The following KIF1B variants were observed in gnomAD, a reference collection of about 807,000 sequenced individuals.
KIF1B encodes kinesin family member 1B, also known as kinesin-like protein KIF1B.
A neutral mutation model predicts 241.9 loss-of-function variants in KIF1B; 76 were observed. That is an observed-to-expected ratio of 0.31 (90% confidence interval 0.26 to 0.38). KIF1B has a LOEUF of 0.38. KIF1B is among the 10% of genes least tolerant of loss of function. The pLI, the probability that KIF1B is intolerant of heterozygous loss-of-function variation, is 1.00. For synonymous variants in KIF1B, 750 were observed against 796.7 expected, an observed-to-expected ratio of 0.94 and a Z score of 0.99; for missense variants, 1,622 against 2,271.4, an observed-to-expected ratio of 0.71 and a Z score of 5.81.
At chr1:10,238,018 G>T (rs1647080728) in intron 2 of KIF1B, among the ~76,000 whole-genome samples, 1 of 150,890 alleles carries the variant, frequency 6.6e-6, no homozygotes, top group Non-Finnish European at 1.5e-5. Flanking sequence ...CAGGAAAAAA[G>T]AAAGAAAGAA....
chr1:10,307,228 C>T, intron 22 of KIF1B: 1 of 1,025,412 alleles, frequency 9.8e-7, no homozygotes, highest in Non-Finnish European at 1.2e-6. Context: ...AATAAAATTG[C>T]TTAATTGAGT....
At chr1:10,316,047 C>CCT (rs1651288798) in intron 22 of KIF1B, among the ~76,000 whole-genome samples, 1 of 133,076 alleles carries the variant, frequency 7.5e-6, no homozygotes, top group Admixed American at 8.0e-5. Flanking sequence ...CAGAGCAAAA[C>CCT]TCCATCTCAA....
At position 10,374,691 on chromosome 1, in the gene KIF1B, T is replaced by G. The variant is rs549848152; in HGVS notation, c.5097-163T>G. On this transcript the variant is annotated intron_variant, in intron 46 of 48. Coordinates refer to ENST00000676179, the MANE Select transcript of KIF1B (RefSeq NM_001365951.3). This position sits in a 1 kb window ranked among gnomAD's most constrained non-coding sequence, Gnocchi z 4.3. ...GCATGTTGCCATGGCACGGTTTCGCTTTTGCCGTATTACTTTGGCAGATAA... is the reference window on the plus strand; with the variant it reads ...GCATGTTGCCATGGCACGGTTTCGCGTTTGCCGTATTACTTTGGCAGATAA... 1.6e-4 allele frequency among the ~76,000 whole-genome samples: 25 copies of G among 152,322 alleles called. No homozygotes were observed. Among genetic ancestry groups the G allele is most frequent in the Non-Finnish European group, 2.6e-4 (18 of 68,036 alleles).
At chr1:10,313,347 A>G (rs558680301) in intron 22 of KIF1B, among the ~76,000 whole-genome samples, 18 of 151,038 alleles carry the variant, frequency 1.2e-4, no homozygotes, top group African/African-American at 3.4e-4. Flanking sequence ...GATTACAGGC[A>G]TGAGCCACCA....
Position 10,267,621 on chromosome 1 carries a change from G to GTT in KIF1B, c.608+64_608+65dup. The GTT allele has an allele frequency of 1.9e-6, 3 of 1,545,466 alleles. No homozygotes were observed. In the South Asian group the frequency reaches 3.4e-5, roughly 17 times the overall value. ...CACCTTTTGAGGTCCTTTTTTCCCAGTTAAGGGTTTGAGGCCACATTTATA... is the reference window on the plus strand; with the variant it reads ...CACCTTTTGAGGTCCTTTTTTCCCAGTTTTAAGGGTTTGAGGCCACATTTATA... On this transcript the variant is annotated intron_variant, in intron 6 of 48. Transcript: ENST00000676179.
chr1:10,252,288 C>T (rs1200201466), intron 2 of KIF1B, among the ~76,000 whole-genome samples: 8 of 152,082 alleles, frequency 5.3e-5, no homozygotes, highest in African/African-American at 1.9e-4. Context: ...GATCAACCCC[C>T]CTCAGCCTCC....
intron 1 of KIF1B, among the ~76,000 whole-genome samples, chr1:10,230,068 T>C (rs55676616): frequency 0.32 from 48,647 of 151,584 alleles, 8,053 homozygotes; most frequent in Admixed American, 0.37. Flanking sequence ...GCAGCTGTTT[T>C]GGAGGCTGAG....
At chr1:10,215,711 A>G (rs1646759445) in intron 1 of KIF1B, among the ~76,000 whole-genome samples, 3 of 151,848 alleles carry the variant, frequency 2.0e-5, no homozygotes, top group Admixed American at 2.0e-4. Flanking sequence ...ATGCCCAGCT[A>G]ATTTTTAAAT....
In KIF1B at chr1:10,324,812, C is replaced by T. The variant is rs571007348; in HGVS notation, c.2592C>T (p.Ser864=). 3.7e-6 allele frequency: 6 copies of T among 1,613,990 alleles called. No individual in the cohort carries two copies. The highest frequency in any genetic ancestry group is 5.1e-6 in the Non-Finnish European group (6 of 1,179,996). ...EMYDRAGEMA[S]SAQDESETTV... is the part of the protein sequence containing the mutation. ...ATGATAGGGCAGGGGAGATGGCCTC[C>T]AGTGCCCAAGACGAAAGCGAAACCA... is the stretch of plus-strand genomic sequence containing the variant. The change falls in exon 26 of 49, where the codon TCC becomes TCT. Residue 864 remains serine, a synonymous_variant. Transcript: ENST00000676179.
chr1:10,340,036 T>C (rs1462399310), intron 32 of KIF1B, among the ~76,000 whole-genome samples, 177 bp downstream of exon 32: 1 of 152,182 alleles, frequency 6.6e-6, no homozygotes, highest in Non-Finnish European at 1.5e-5. Context: ...GCAAGCCTTC[T>C]TGTCTGTGTT....
chr1:10,299,100 A>AAAAAC (rs1380606142), intron 22 of KIF1B: 1 of 151,934 alleles, frequency 6.6e-6, no homozygotes, highest in African/African-American at 2.4e-5. Context: ...CAAAAACCAC[A>AAAAAC]AAAACAAAAC....
chr1:10,307,084 A>C, intron 22 of KIF1B: 3 of 1,037,254 alleles, frequency 2.9e-6, no homozygotes, highest in Admixed American at 5.7e-5. Context: ...TGTTGCTGAA[A>C]TATTTAGATA....
At chr1:10,372,742 G>A (rs1188188184) in intron 45 of KIF1B, among the ~76,000 whole-genome samples, 1 of 147,432 alleles carries the variant, frequency 6.8e-6, no homozygotes, top group Non-Finnish European at 1.5e-5. Flanking sequence ...CCATTCTCCT[G>A]CTTCAGCCTC....
intron 22 of KIF1B, chr1:10,308,354 C>G: frequency 9.5e-7 from 1 of 1,052,736 alleles, no homozygotes. Flanking sequence ...TCTAGATATT[C>G]TTAGCTTGAA....
chr1:10,303,344 G>A lies in KIF1B; in HGVS notation c.2115+6098G>A. On this transcript the variant is annotated intron_variant, in intron 22 of 48. Coordinates refer to ENST00000676179, the MANE Select transcript of KIF1B (RefSeq NM_001365951.3). This position sits in a 1 kb window ranked among gnomAD's most constrained non-coding sequence, Gnocchi z 5.2. ...ATTAAAATGTATCAGATACCCCAAA[G>A]AAGGCGCTTGAGTAAAGATTCCAAG... The A allele has an allele frequency of 6.2e-7, 1 of 1,614,202 alleles. No individual in the cohort carries two copies. Among genetic ancestry groups the A allele is most frequent in the Non-Finnish European group, 8.5e-7 (1 of 1,180,030 alleles).
chr1:10,275,654 A>G, intron 11 of KIF1B, 151 bp downstream of exon 11: 1 of 695,134 alleles, frequency 1.4e-6, no homozygotes, highest in East Asian at 2.6e-5. Flanking sequence ...TTTACTCCTA[A>G]TTTCAGTTGG....
chr1:10,342,166 C>T lies in KIF1B; in HGVS notation c.3630C>T (p.Asn1210=), dbSNP rs910542787. The T allele has an allele frequency of 1.6e-5, 25 of 1,578,970 alleles. No individual in the cohort carries two copies. The highest frequency in any genetic ancestry group is 2.1e-5 in the Non-Finnish European group (24 of 1,148,116). ...TTCATCTGCAAGGACAGGAGCTTAA[C>T]AGGTTTGGACCAGATAAGCAAACAT... ...HPLHLQGQEL[N]SPPQPCRRFF... is the part of the protein sequence containing the mutation. Residue 1210 remains asparagine, a splice_region_variant and synonymous_variant, in exon 33 of 49, where the codon AAC becomes AAT. Transcript: ENST00000676179.
At chr1:10,307,344 C>G (rs1650878862) in intron 22 of KIF1B, 2 of 971,798 alleles carry the variant, frequency 2.1e-6, no homozygotes, top group Admixed American at 6.0e-5. Flanking sequence ...TAGTCTTGCT[C>G]TGTCGCCCAG....
chr1:10,307,215 A>G (rs1650872991), intron 22 of KIF1B: 1 of 1,027,180 alleles, frequency 9.7e-7, no homozygotes, highest in South Asian at 4.6e-5. Flanking sequence ...ATAACTCTGT[A>G]TGAATAAAAT....
Sources: allele counts gnomAD v4.1 joint callset (sites outside exome capture counted in the v4.1 genomes callset), GRCh38; gene constraint gnomAD v4.1.1; non-coding constraint Gnocchi (gnomAD v3.1); transcripts MANE v1.5; gene names NCBI Gene and HGNC (gene_info 2026-07-23, HGNC 2026-07-21).